DENND1A: variants seen among roughly 807,000 people sequenced by gnomAD.
DENND1A encodes the protein DENN domain containing 1A, also known as DENN domain-containing protein 1A.
DENND1A carries 51 observed loss-of-function variants against 113.7 expected under a neutral mutation model. That is an observed-to-expected ratio of 0.45 (90% CI 0.36 to 0.57). DENND1A has a LOEUF of 0.57. DENND1A is among the 20% of genes least tolerant of loss of function. The pLI, the probability that DENND1A is intolerant of heterozygous loss-of-function variation, is 0.00. For synonymous variants in DENND1A, 565 were observed against 570.8 expected (o/e 0.99, Z 0.14); for missense variants, 1,258 against 1,395.9 (o/e 0.90, Z 1.57).
At chr9:123,730,467 A>G (rs2068077571) in intron 5 of DENND1A, among the ~76,000 whole-genome samples, 1 of 152,258 alleles carries the variant, frequency 6.6e-6, no homozygotes, top group Non-Finnish European at 1.5e-5. Context: ...ACACTTTTCA[A>G]AAGAAGACAT....
At chr9:123,392,148 G>A (rs915351095) in intron 21 of DENND1A, among the ~76,000 whole-genome samples, 3 of 152,166 alleles carry the variant, frequency 2.0e-5, no homozygotes, top group Non-Finnish European at 2.9e-5. Flanking sequence ...GAGACACGGC[G>A]TCAGGAAGCA....
Position 123,470,330 on chromosome 9 carries a change from A to G in DENND1A, c.994-12433T>C, listed in dbSNP as rs74493721. 6.9e-3 allele frequency among the ~76,000 whole-genome samples: 1,049 copies of G among 152,248 alleles called. 11 individuals are homozygous for G. The highest frequency in any genetic ancestry group is 0.024 in the African/African-American group (1,005 of 41,542). On this transcript the variant is annotated intron_variant, in intron 13 of 23. Transcript: ENST00000394215. ...CAAATGGGGGCCCACTGAAATCTCA[A>G]CCTCAAACACCTGCTGGCTCAACCA...
At chr9:123,549,054 A>G (rs2056881718) in intron 13 of DENND1A, among the ~76,000 whole-genome samples, 1 of 152,232 alleles carries the variant, frequency 6.6e-6, no homozygotes, top group Non-Finnish European at 1.5e-5. Flanking sequence ...TGGTTAAAAT[A>G]GCACATCTTA....
intron 2 of DENND1A, among the ~76,000 whole-genome samples, chr9:123,865,807 A>T (rs1386120875): frequency 6.6e-6 from 1 of 152,172 alleles, no homozygotes; most frequent in Non-Finnish European, 1.5e-5. Flanking sequence ...TTACACAGGG[A>T]TATGTCCTAA....
intron 8 of DENND1A, among the ~76,000 whole-genome samples, chr9:123,662,371 G>C (rs917016296): frequency 2.0e-5 from 3 of 152,146 alleles, no homozygotes; most frequent in East Asian, 1.9e-4. Flanking sequence ...AGACCAGCCT[G>C]GCCAACATGG....
At chr9:123,407,370 G>T (rs67595214) in intron 20 of DENND1A, among the ~76,000 whole-genome samples, 4 of 151,744 alleles carry the variant, frequency 2.6e-5, no homozygotes, top group African/African-American at 9.7e-5. Flanking sequence ...CCAGACTTCC[G>T]TGTACACACT....
intron 8 of DENND1A, among the ~76,000 whole-genome samples, chr9:123,664,191 T>A (rs933501452): frequency 6.6e-6 from 1 of 152,338 alleles, no homozygotes; most frequent in African/African-American, 2.4e-5. Context: ...GTAATAATTA[T>A]CTGTTCCTGA....
rs141906218 is a variant in DENND1A at position 123,777,874 on chromosome 9, C to T, written c.133-8311G>A. Among the ~76,000 whole-genome samples, 1,198 of 152,300 alleles carry T rather than the reference C, an allele frequency of 7.9e-3. 7 individuals carry two copies. The highest frequency in any genetic ancestry group is 0.012 in the Non-Finnish European group (801 of 68,018). ...ATTATTTAGCAATTGATTAGAACGT[C>T]TCACTAAACAGTCATCTGTTTAGTG... On this transcript the variant is annotated intron_variant, in intron 3 of 23. Transcript: ENST00000394215.
At position 123,487,357 on chromosome 9, in the gene DENND1A, T is replaced by A. The variant is rs555141369; in HGVS notation, c.994-29460A>T. Among the ~76,000 whole-genome samples, 9 of 152,292 alleles carry A rather than the reference T, an allele frequency of 5.9e-5. No individual in the cohort carries two copies. In the South Asian group the frequency reaches 6.2e-4, roughly 11 times the overall value. On this transcript the variant is annotated intron_variant, in intron 13 of 23. Transcript: ENST00000394215. ...GGGCCCAAGTCAGCTGGCAGGTTTG[T>A]TTACCTGCCCCCTCCACACCAATAT... is the stretch of plus-strand genomic sequence containing the variant.
intron 19 of DENND1A, among the ~76,000 whole-genome samples, chr9:123,434,826 G>A (rs1413057850): frequency 6.6e-6 from 1 of 152,174 alleles, no homozygotes; most frequent in Non-Finnish European, 1.5e-5. Context: ...TACAGTAAGT[G>A]CATGCTTACA....
chr9:123,777,329 T>C (rs1383027208), intron 3 of DENND1A, among the ~76,000 whole-genome samples: 2 of 152,296 alleles, frequency 1.3e-5, no homozygotes, highest in Non-Finnish European at 2.9e-5. Context: ...CCCTAGATAG[T>C]TGGGATTAGT....
intron 1 of DENND1A, among the ~76,000 whole-genome samples, chr9:123,893,060 G>T (rs1850170592): frequency 6.6e-6 from 1 of 152,030 alleles, no homozygotes; most frequent in Non-Finnish European, 1.5e-5. Flanking sequence ...GTCTGGGCAT[G>T]GTGGCTCATG....
intron 5 of DENND1A, among the ~76,000 whole-genome samples, chr9:123,731,919 G>T (rs891881277): frequency 7.2e-5 from 11 of 152,116 alleles, no homozygotes; most frequent in African/African-American, 2.7e-4. Flanking sequence ...CAAAAGATTT[G>T]AATACTTTAC....
chr9:123,681,483 G>A (rs1349317938), intron 5 of DENND1A, among the ~76,000 whole-genome samples: 2 of 152,068 alleles, frequency 1.3e-5, no homozygotes, highest in African/African-American at 4.8e-5. Context: ...TGTGTAGGAA[G>A]GGGGCTGCAG....
intron 5 of DENND1A, among the ~76,000 whole-genome samples, chr9:123,681,865 A>G (rs2064484986): frequency 6.6e-6 from 1 of 151,858 alleles, no homozygotes; most frequent in Non-Finnish European, 1.5e-5. Context: ...GGGCTCCTTG[A>G]AAAAAAATGT....
At chr9:123,674,831 G>GT (rs1027166574) in intron 6 of DENND1A, among the ~76,000 whole-genome samples, 1 of 138,230 alleles carries the variant, frequency 7.2e-6, no homozygotes, top group Non-Finnish European at 1.5e-5. Flanking sequence ...GTTTTGCTGA[G>GT]TTTTTTTCTC....
chr9:123,411,087 TG>T (rs1338768498), intron 20 of DENND1A, among the ~76,000 whole-genome samples: 4 of 151,088 alleles, frequency 2.6e-5, no homozygotes, highest in Non-Finnish European at 5.9e-5. Flanking sequence ...CATCCTTACT[TG>T]GTTTTTTTTT....
intron 2 of DENND1A, among the ~76,000 whole-genome samples, chr9:123,793,239 T>TA (rs1833274836): frequency 6.6e-6 from 1 of 152,174 alleles, no homozygotes; most frequent in African/African-American, 2.4e-5. Flanking sequence ...CCAGCTGACA[T>TA]AATTAAACTT....
chr9:123,444,113 A>G (rs1163284803), intron 18 of DENND1A, among the ~76,000 whole-genome samples: 1 of 152,236 alleles, frequency 6.6e-6, no homozygotes. Flanking sequence ...AGGGCTTGAG[A>G]AAACAGGTAC....
Sources: gnomAD v4.1 joint callset for allele counts (sites outside exome capture counted in the v4.1 genomes callset) on GRCh38, gnomAD v4.1.1 for gene constraint, MANE v1.5 for transcripts, NCBI Gene and HGNC (gene_info 2026-07-23, HGNC 2026-07-21) for gene names.